AKR1C1: variants seen among roughly 807,000 people sequenced by gnomAD.
AKR1C1 encodes 20 alpha-hydroxysteroid dehydrogenase.
In AKR1C1, 32 loss-of-function variants were observed where a neutral mutation model predicts 40.6. The ratio of observed to expected loss-of-function variants is 0.79; its 90% CI spans 0.60 to 1.06. AKR1C1 has a LOEUF of 1.06. AKR1C1 is among the 50% of genes least tolerant of loss of function. AKR1C1 has a pLI of 0.00. For synonymous variants in AKR1C1, 105 were observed against 134.2 expected (o/e 0.78, Z 1.50); for missense variants, 320 against 363.5 (o/e 0.88, Z 0.97).
chr10:4,964,075 A>G (rs377308338), intron 1 of AKR1C1, among the ~76,000 whole-genome samples: 138 of 152,348 alleles, frequency 9.1e-4, no homozygotes, highest in African/African-American at 3.2e-3. Context: ...AAAAAATACT[A>G]GAACCTAACA....
Position 4,966,997 on chromosome 10 carries a change from T to C in AKR1C1, c.323T>C (p.Leu108Ser). 6.2e-7 allele frequency: 1 copy of C among 1,613,930 alleles called. No homozygotes were observed. Among genetic ancestry groups the C allele is most frequent in the Non-Finnish European group, 8.5e-7 (1 of 1,179,812 alleles). The stretch of plus-strand genomic sequence containing the variant: ...GAAAGGTCACTGAAAAATCTTCAAT[T>C]GGATTATGTTGACCTCTACCTTATT... ...ALERSLKNLQ[L>S]DYVDLYLIHF... Residue 108 changes from leucine to serine, a missense_variant, in exon 3 of 9, where the codon TTG (leucine) becomes TCG (serine). Leu to Ser is a moderately radical substitution (Grantham distance 145). Around this residue, in one of 3 missense-constraint regions of AKR1C1, gnomAD observed 214 missense variants for 214.8 expected, o/e 1.00. Coordinates refer to ENST00000380872, the MANE Select transcript of AKR1C1 (RefSeq NM_001353.6).
At position 4,963,426 on chromosome 10, in the gene AKR1C1, A is replaced by G. The variant is rs1588556752; in HGVS notation, c.-19A>G. Reference sequence around the variant, plus strand: ...AGGGAGGAAGAAAGAAACATTTGCCAGCCAGGCTAGTGACAGAAATGGATT... The same window carrying G: ...AGGGAGGAAGAAAGAAACATTTGCCGGCCAGGCTAGTGACAGAAATGGATT... On this transcript the variant is annotated 5_prime_UTR_variant, in exon 1 of 9. Coordinates refer to ENST00000380872, the MANE Select transcript of AKR1C1 (RefSeq NM_001353.6). 1 of 1,613,936 alleles carries G rather than the reference A, an allele frequency of 6.2e-7. No homozygotes were observed. The highest frequency in any genetic ancestry group is 1.1e-5 in the South Asian group (1 of 91,074).
At chr10:4,965,862 C>T in intron 1 of AKR1C1, 52 bp from the exon 2 acceptor site, 1 of 1,571,808 alleles carries the variant, frequency 6.4e-7, no homozygotes, top group Non-Finnish European at 8.6e-7. Flanking sequence ...TGTGCCTGAA[C>T]TAACTCTCAG....
chr10:4,980,070 C>G lies in AKR1C1; in HGVS notation c.*2328C>G, dbSNP rs1836593592. The G allele has an allele frequency of 6.6e-6, 1 of 150,708 alleles. No individual in the cohort carries two copies. Among genetic ancestry groups the G allele is most frequent in the African/African-American group, 2.4e-5 (1 of 41,328 alleles). The allele number at this position is 150,708 out of a possible 1,614,324, so 9.3% of individuals were successfully genotyped here. On this transcript the variant is annotated 3_prime_UTR_variant, in exon 9 of 9. Coordinates refer to ENST00000380872, the MANE Select transcript of AKR1C1 (RefSeq NM_001353.6). The stretch of plus-strand genomic sequence containing the variant: ...TATGCAATGTAGGAAGCTGTAATTA[C>G]TGACCAAAACTATGTGAAGTGGAGA...
At chr10:4,965,651 G>T (rs899366420) in intron 1 of AKR1C1, 5 of 365,540 alleles carry the variant, frequency 1.4e-5, no homozygotes, top group African/African-American at 1.0e-4. Context: ...TCCAAAAAAT[G>T]ACTGAACCTG....
chr10:4,965,212 C>T (rs533176320), intron 1 of AKR1C1, among the ~76,000 whole-genome samples: 1 of 150,670 alleles, frequency 6.6e-6, no homozygotes, highest in African/African-American at 2.4e-5. Context: ...CACTGTATTC[C>T]TTCATATTTC....
At chr10:4,966,334 A>AT (rs1349807767) in intron 2 of AKR1C1, among the ~76,000 whole-genome samples, 1 of 152,256 alleles carries the variant, frequency 6.6e-6, no homozygotes, top group Non-Finnish European at 1.5e-5. Flanking sequence ...ATGGTTTAAC[A>AT]TAGACTATAG....
rs552658482 is a variant in AKR1C1, at chr10:4,977,828, C to T, written c.*86C>T. On this transcript the variant is annotated 3_prime_UTR_variant, in exon 9 of 9. Coordinates refer to ENST00000380872, the MANE Select transcript of AKR1C1 (RefSeq NM_001353.6). ...ATGGCTCTATGCTGGTGACTGGACA[C>T]ATCGCCTCTGGTTAAATCTCTCCTG... 2.7e-6 allele frequency: 4 copies of T among 1,460,260 alleles called. No homozygotes were observed. In the African/African-American group the frequency reaches 5.7e-5, roughly 21 times the overall value. The allele number at this position is 1,460,260 out of a possible 1,614,324, so 90.5% of individuals were successfully genotyped here.
At chr10:4,971,315 G>A (rs1554769806) in intron 5 of AKR1C1, among the ~76,000 whole-genome samples, 4 of 151,906 alleles carry the variant, frequency 2.6e-5, no homozygotes, top group East Asian at 1.9e-4. Flanking sequence ...GGGTAAAGGT[G>A]AACTTCTTCC....
At position 4,978,626 on chromosome 10, in the gene AKR1C1, G is replaced by T. The variant is rs1487333431; in HGVS notation, c.*884G>T. ...GAAAATATTCTTAGATTCTAAAAAT[G>T]TACTATTAATTTGTGATATTCAGTC... On this transcript the variant is annotated 3_prime_UTR_variant, in exon 9 of 9. Coordinates refer to ENST00000380872, the MANE Select transcript of AKR1C1 (RefSeq NM_001353.6). 1 of 152,006 alleles carries T rather than the reference G, an allele frequency of 6.6e-6. No homozygotes were observed. Among genetic ancestry groups the T allele is most frequent in the Non-Finnish European group, 1.5e-5 (1 of 68,020 alleles). The allele number at this position is 152,006 out of a possible 1,614,324, so 9.4% of individuals were successfully genotyped here. A position where few individuals can be genotyped will look rare whatever the true frequency, so the allele number is the denominator to read the frequency against.
chr10:4,976,167 A>C (rs1554770443), intron 8 of AKR1C1, among the ~76,000 whole-genome samples: 1 of 151,284 alleles, frequency 6.6e-6, no homozygotes, highest in Non-Finnish European at 1.5e-5. Context: ...ACTCCAAGGA[A>C]CTTTCCAGAG....
chr10:4,974,322 G>A (rs1836490282), intron 7 of AKR1C1, among the ~76,000 whole-genome samples: 1 of 150,772 alleles, frequency 6.6e-6, no homozygotes, highest in African/African-American at 2.4e-5. Flanking sequence ...TATTTATTCT[G>A]GATATTAATT....
chr10:4,969,232 C>T (rs561653598), intron 5 of AKR1C1, among the ~76,000 whole-genome samples: 11 of 152,132 alleles, frequency 7.2e-5, no homozygotes, highest in Non-Finnish European at 1.2e-4. Context: ...GTGGACTTAC[C>T]CCTAAGCTAT....
rs537408361 is a variant in AKR1C1 at position 4,977,867 on chromosome 10, G to A, written c.*125G>A. The stretch of plus-strand genomic sequence containing the variant: ...AAATCTCTCCTGCTTGGTGATTTCA[G>A]CAAGCTACAGCAAAGCCCATTGGCC... On this transcript the variant is annotated 3_prime_UTR_variant, in exon 9 of 9. Transcript: ENST00000380872. 1.5e-5 allele frequency: 21 copies of A among 1,402,802 alleles called. No homozygotes were observed. The highest frequency in any genetic ancestry group is 2.0e-5 in the Non-Finnish European group (21 of 1,029,676). The allele number at this position is 1,402,802 out of a possible 1,614,324, so 86.9% of individuals were successfully genotyped here. A position where few individuals can be genotyped will look rare whatever the true frequency, so the allele number is the denominator to read the frequency against.
At chr10:4,965,393 T>A (rs903775674) in intron 1 of AKR1C1, 4 of 152,446 alleles carry the variant, frequency 2.6e-5, no homozygotes, top group African/African-American at 9.7e-5. Flanking sequence ...TGCCCCAGCC[T>A]CCCCAGTAGC....
intron 2 of AKR1C1, 128 bp from the exon 3 acceptor site, chr10:4,966,795 GAAGA>G (rs10562538): frequency 0.25 from 176,066 of 708,390 alleles, 22,778 homozygotes; most frequent in Middle Eastern, 0.35. Flanking sequence ...GGCATCACAA[GAAGA>G]GAGAGAATAA....
intron 5 of AKR1C1, 122 bp downstream of exon 5, chr10:4,969,066 ACT>A: frequency 1.3e-6 from 2 of 1,557,288 alleles, no homozygotes; most frequent in Admixed American, 1.9e-5. Context: ...GAGAGCAAAG[ACT>A]CTGTCTCGAA....
intron 1 of AKR1C1, chr10:4,965,695 C>A: frequency 2.0e-6 from 1 of 490,966 alleles, no homozygotes; most frequent in Non-Finnish European, 3.5e-6. Context: ...AACTAGTGGT[C>A]AAGCAGTGAT....
chr10:4,971,037 C>A (rs1836418468), intron 5 of AKR1C1, among the ~76,000 whole-genome samples: 1 of 151,758 alleles, frequency 6.6e-6, no homozygotes, highest in South Asian at 2.1e-4. Context: ...TTAACAATTA[C>A]TAGTAATCTG....
Sources: allele counts gnomAD v4.1 joint callset (sites outside exome capture counted in the v4.1 genomes callset), GRCh38; gene constraint gnomAD v4.1.1; regional missense constraint gnomAD v4.1.1; transcripts MANE v1.5; gene names NCBI Gene and HGNC (gene_info 2026-07-23, HGNC 2026-07-21).